The following ROBO1 variants were observed in gnomAD, a reference collection of about 807,000 sequenced individuals.
ROBO1 encodes roundabout guidance receptor 1.
In ROBO1, 149 loss-of-function variants were observed where a neutral mutation model predicts 195.9. The ratio of observed to expected loss-of-function variants is 0.76; its 90% confidence interval spans 0.67 to 0.87. ROBO1 has a LOEUF of 0.87. Ranked by LOEUF, ROBO1 falls within the 40% of genes least tolerant of loss-of-function variation. ROBO1 has a pLI of 0.00. For missense variants in ROBO1, 1,933 were observed against 2,068.3 expected (o/e 0.93, Z 1.27); for synonymous variants, 816 against 733.2 (o/e 1.11, Z -1.82).
At chr3:78,999,830 G>A (rs2077456802) in intron 3 of ROBO1, among the ~76,000 whole-genome samples, 1 of 151,990 alleles carries the variant, frequency 6.6e-6, no homozygotes, top group Non-Finnish European at 1.5e-5. Flanking sequence ...TCTTCTCTCT[G>A]CCTATATGTT....
At chr3:78,703,855 A>C (rs111352601) in intron 8 of ROBO1, among the ~76,000 whole-genome samples, 2,038 of 152,126 alleles carry the variant, frequency 0.013, 18 homozygotes, top group Non-Finnish European at 0.017. Flanking sequence ...CCAACCCCTG[A>C]AGCACTGCTT....
chr3:79,254,504 A>T (rs2082792505), intron 2 of ROBO1, among the ~76,000 whole-genome samples: 1 of 152,038 alleles, frequency 6.6e-6, no homozygotes, highest in Non-Finnish European at 1.5e-5. Context: ...ACACACACAA[A>T]ATATGAGACT....
intron 2 of ROBO1, among the ~76,000 whole-genome samples, chr3:79,513,395 T>A (rs1407942508): frequency 6.6e-6 from 1 of 151,978 alleles, no homozygotes; most frequent in East Asian, 1.9e-4. Context: ...AAAAGCAATC[T>A]TTATGTTCCA....
At chr3:78,998,740 A>G (rs1179970440) in intron 3 of ROBO1, among the ~76,000 whole-genome samples, 1 of 152,088 alleles carries the variant, frequency 6.6e-6, no homozygotes, top group Non-Finnish European at 1.5e-5. Context: ...CATTTCCAGT[A>G]ACAATGTCTT....
At chr3:78,836,266 A>G (rs2032701293) in intron 4 of ROBO1, among the ~76,000 whole-genome samples, 1 of 152,124 alleles carries the variant, frequency 6.6e-6, no homozygotes, top group South Asian at 2.1e-4. Context: ...TAATCCCAGC[A>G]CTTTGGGAGG....
At position 78,639,857 on chromosome 3, in the gene ROBO1, C is replaced by T. The variant is rs1705825244; in HGVS notation, c.2924G>A (p.Trp975Ter). The T allele has an allele frequency of 6.2e-7, 1 of 1,611,048 alleles. No homozygotes were observed. Among genetic ancestry groups the T allele is most frequent in the South Asian group, 1.1e-5 (1 of 90,702 alleles). Residue 975 changes from tryptophan to a stop codon, truncating the protein, a stop_gained, in exon 22 of 31, where the codon TGG becomes TAG. Transcript: ENST00000464233. LOFTEE classifies it high-confidence loss of function. ...LNISEPAAQP[W>*]LADTWPNTGN... ...AGTATTAGGCCACGTGTCTGCCAGCCATGGCTGCGCGGCAGGTTCACTGAT... is the reference window on the plus strand; with the variant it reads ...AGTATTAGGCCACGTGTCTGCCAGCTATGGCTGCGCGGCAGGTTCACTGAT...
intron 3 of ROBO1, among the ~76,000 whole-genome samples, chr3:79,121,184 C>T (rs776609762): frequency 8.5e-5 from 13 of 152,064 alleles, no homozygotes; most frequent in African/African-American, 1.9e-4. Context: ...GCCTTGCATG[C>T]GTGTAGTAAT....
At chr3:79,300,937 C>G (rs560300705) in intron 2 of ROBO1, among the ~76,000 whole-genome samples, 1 of 152,002 alleles carries the variant, frequency 6.6e-6, no homozygotes. Flanking sequence ...GGATTGTAAA[C>G]GCACCAATCA....
In ROBO1 at chr3:79,753,765, C is replaced by G. The variant is rs548457229; in HGVS notation, c.-51+13987G>C. On this transcript the variant is annotated intron_variant, in intron 1 of 30. Transcript: ENST00000464233. ...ACACTCACAGAGGAGAAAGAGGCAG[C>G]AAAGGAAATGGAAAGGTCAAGGATT... Among the ~76,000 whole-genome samples the G allele has an allele frequency of 2.6e-5, 4 of 152,114 alleles. No homozygotes were observed. In the South Asian group the frequency reaches 8.3e-4, roughly 32 times the overall value.
chr3:79,299,617 A>G (rs1472539534), intron 2 of ROBO1, among the ~76,000 whole-genome samples: 1 of 152,192 alleles, frequency 6.6e-6, no homozygotes, highest in Non-Finnish European at 1.5e-5. Flanking sequence ...TAATATATTC[A>G]TTTTGGAGGA....
In ROBO1 at chr3:79,724,363, C is replaced by G. The variant is rs1391647116; in HGVS notation, c.-51+43389G>C. Among the ~76,000 whole-genome samples, 3 of 152,282 alleles carry G rather than the reference C, an allele frequency of 2.0e-5. No homozygotes were observed. The South Asian group carries it at 6.2e-4, about 32-fold the overall frequency. ...TTCTAAGCTATTACGTTTCTCAATA[C>G]CACTGATATTCGCTGCCCCCTGGTG... On this transcript the variant is annotated intron_variant, in intron 1 of 30. Coordinates refer to ENST00000464233, the MANE Select transcript of ROBO1 (RefSeq NM_002941.4).
chr3:79,589,839 C>T lies in ROBO1; in HGVS notation c.73G>A (p.Ala25Thr). Residue 25 changes from alanine to threonine, a missense_variant, in exon 2 of 31, where the codon GCC (alanine) becomes ACC (threonine). Transcript: ENST00000464233. ...CAGCACTTACCTGGAATAAGCTGGG[C>T]CAGAAACAGGTGATTTGGGGATAAG... is the stretch of plus-strand genomic sequence containing the variant. The part of the protein sequence containing the change: ...LSLSPNHLFL[A>T]QLIPDPEDVE... 1 of 1,610,300 alleles carries T rather than the reference C, an allele frequency of 6.2e-7. No homozygotes were observed. Among genetic ancestry groups the T allele is most frequent in the Non-Finnish European group, 8.5e-7 (1 of 1,177,424 alleles).
intron 4 of ROBO1, among the ~76,000 whole-genome samples, chr3:78,885,218 T>C (rs894100064): frequency 6.6e-6 from 1 of 151,730 alleles, no homozygotes; most frequent in African/African-American, 2.4e-5. Flanking sequence ...TGAGAATACA[T>C]GGACACATAG....
intron 2 of ROBO1, among the ~76,000 whole-genome samples, chr3:79,231,281 A>G (rs999794309): frequency 6.6e-6 from 1 of 152,172 alleles, no homozygotes; most frequent in African/African-American, 2.4e-5. Flanking sequence ...TAAACAGATA[A>G]CCTACAAAAT....
At chr3:78,806,159 A>C (rs2084532584) in intron 4 of ROBO1, among the ~76,000 whole-genome samples, 1 of 151,920 alleles carries the variant, frequency 6.6e-6, no homozygotes, top group African/African-American at 2.4e-5. Flanking sequence ...TTTTTTTAAG[A>C]GACAGGGTCT....
At chr3:79,224,502 C>T (rs2082192385) in intron 2 of ROBO1, among the ~76,000 whole-genome samples, 1 of 152,108 alleles carries the variant, frequency 6.6e-6, no homozygotes, top group African/African-American at 2.4e-5. Flanking sequence ...ATTAAGTTCT[C>T]AAATGACACT....
At chr3:79,317,496 T>C (rs556036568) in intron 2 of ROBO1, among the ~76,000 whole-genome samples, 1 of 152,318 alleles carries the variant, frequency 6.6e-6, no homozygotes, top group East Asian at 1.9e-4. Context: ...TCTATTACCA[T>C]TTGTCCCAAC....
intron 8 of ROBO1, among the ~76,000 whole-genome samples, chr3:78,706,600 C>T (rs1397417208): frequency 6.6e-6 from 1 of 151,918 alleles, no homozygotes; most frequent in Non-Finnish European, 1.5e-5. Flanking sequence ...TCTTGGCCTC[C>T]CAAAGTGCTG....
intron 2 of ROBO1, among the ~76,000 whole-genome samples, chr3:79,570,540 C>G (rs907311478): frequency 4.0e-5 from 6 of 151,502 alleles, no homozygotes; most frequent in Admixed American, 3.9e-4. Context: ...ATAGCTAAAA[C>G]AAAATAAGAA....
Sources: allele counts gnomAD v4.1 joint callset (sites outside exome capture counted in the v4.1 genomes callset), GRCh38; gene constraint gnomAD v4.1.1; transcripts MANE v1.5; gene names NCBI Gene and HGNC (gene_info 2026-07-23, HGNC 2026-07-21).